Variants in PIK3C3 observed in about 807,000 individuals in gnomAD.
PIK3C3 encodes the protein PI3-kinase type 3.
A neutral mutation model predicts 126.1 loss-of-function variants in PIK3C3; 95 were observed. The ratio of observed to expected loss-of-function variants is 0.75; its 90% CI spans 0.64 to 0.89. The LOEUF (loss-of-function observed/expected upper bound fraction) is 0.89, where lower values mean the gene tolerates loss of function less well. Among genes scored for constraint, PIK3C3 ranks in the 40% least tolerant of loss-of-function variants. The pLI, the probability that PIK3C3 is intolerant of heterozygous loss-of-function variation, is 0.00. For synonymous variants in PIK3C3, 374 were observed against 360.0 expected (o/e 1.04, Z -0.44); for missense variants, 829 against 1,063.2 (o/e 0.78, Z 3.06).
chr18:42,062,437 GA>G (rs2144512916), intron 22 of PIK3C3, among the ~76,000 whole-genome samples: 1 of 150,404 alleles, frequency 6.6e-6, no homozygotes, highest in African/African-American at 2.5e-5. Flanking sequence ...AACATTATGA[GA>G]TTTTTTTTTT....
chr18:42,006,936 T>A (rs1031530908), intron 10 of PIK3C3, among the ~76,000 whole-genome samples: 1 of 146,144 alleles, frequency 6.8e-6, no homozygotes, highest in East Asian at 2.1e-4. Context: ...TGATCTCAGC[T>A]CACTGAAAGC....
At chr18:42,058,681 C>A (rs1598941726) in intron 22 of PIK3C3, among the ~76,000 whole-genome samples, 1 of 152,252 alleles carries the variant, frequency 6.6e-6, no homozygotes, top group African/African-American at 2.4e-5. Context: ...TTTTCTTCAA[C>A]ACCACTAAAT....
rs572415879 is a variant in PIK3C3 at position 42,037,984 on chromosome 18, A to G, written c.1968+164A>G. Among the ~76,000 whole-genome samples, 23 of 152,310 alleles carry G rather than the reference A, an allele frequency of 1.5e-4. No homozygotes were observed. In the East Asian group the frequency reaches 4.4e-3, roughly 29 times the overall value. On this transcript the variant is annotated intron_variant, in intron 17 of 24. Coordinates refer to ENST00000262039, the MANE Select transcript of PIK3C3 (RefSeq NM_002647.4). ...CTTGAAAAAATTTAGTTGCTTTTATATACTTCAGAATGGTTTTTGTGTTGA... is the reference window on the plus strand; with the variant it reads ...CTTGAAAAAATTTAGTTGCTTTTATGTACTTCAGAATGGTTTTTGTGTTGA...
chr18:41,969,905 T>A (rs1329940310), intron 3 of PIK3C3, among the ~76,000 whole-genome samples: 1 of 152,224 alleles, frequency 6.6e-6, no homozygotes, highest in Non-Finnish European at 1.5e-5. Flanking sequence ...TTTGACTATA[T>A]AGTCTACTGT....
chr18:41,983,811 A>G (rs921886915), intron 4 of PIK3C3, among the ~76,000 whole-genome samples: 2 of 152,154 alleles, frequency 1.3e-5, no homozygotes, highest in African/African-American at 2.4e-5. Context: ...TTGTTCTTTC[A>G]TTAAATCTGA....
intron 7 of PIK3C3, among the ~76,000 whole-genome samples, 166 bp from the exon 8 acceptor site, chr18:41,995,724 G>T (rs896178038): frequency 3.3e-5 from 5 of 152,148 alleles, no homozygotes; most frequent in African/African-American, 1.2e-4. Context: ...TCCCAGTCTT[G>T]AGAAGGATAC....
At chr18:41,999,685 A>G (rs1043288826) in intron 9 of PIK3C3, among the ~76,000 whole-genome samples, 11 of 152,208 alleles carry the variant, frequency 7.2e-5, no homozygotes, top group African/African-American at 2.7e-4. Flanking sequence ...ATTAGGAAGT[A>G]TAGCATAGTA....
chr18:42,086,815 A>G lies in PIK3C3; in HGVS notation c.*5678A>G, dbSNP rs1048070667. The G allele has an allele frequency of 3.3e-5, 5 of 152,212 alleles. No homozygotes were observed. Among genetic ancestry groups the G allele is most frequent in the Admixed American group, 2.0e-4 (3 of 15,280 alleles). 9.4% of individuals were successfully genotyped at this position (152,212 alleles called of 1,614,324 possible). A position where few individuals can be genotyped will look rare whatever the true frequency, so the allele number is the denominator to read the frequency against. Reference sequence around the variant, plus strand: ...ATGATCAAGAAATAATCATTAAAAAATAGCCAACCAGCAGCTCATGCTGCT... The same window carrying G: ...ATGATCAAGAAATAATCATTAAAAAGTAGCCAACCAGCAGCTCATGCTGCT... On this transcript the variant is annotated 3_prime_UTR_variant, in exon 25 of 25. Coordinates refer to ENST00000262039, the MANE Select transcript of PIK3C3 (RefSeq NM_002647.4).
Position 42,064,824 on chromosome 18 carries a change from G to A in PIK3C3, c.2517G>A (p.Val839=). 1 of 1,556,094 alleles carries A rather than the reference G, an allele frequency of 6.4e-7. No homozygotes were observed. Among genetic ancestry groups the A allele is most frequent in the South Asian group, 1.1e-5 (1 of 89,432 alleles). The change falls in exon 23 of 25, where the codon GTG becomes GTA. Residue 839 remains valine, a synonymous_variant. Coordinates refer to ENST00000262039, the MANE Select transcript of PIK3C3 (RefSeq NM_002647.4). ...PDIALEPDKT[V]KKVQDKFRLD... is the part of the protein sequence containing the mutation. ...TTGCACTTGAACCAGATAAAACTGT[G>A]AAAAAGGTAATTTTTAAGTAACATA...
At position 42,027,470 on chromosome 18, in the gene PIK3C3, A is replaced by C; in HGVS notation, c.1512A>C (p.Gln504His). The C allele has an allele frequency of 6.2e-7, 1 of 1,607,418 alleles. No individual in the cohort carries two copies. The highest frequency in any genetic ancestry group is 8.5e-7 in the Non-Finnish European group (1 of 1,174,594). The change falls in exon 14 of 25, where the codon CAA becomes CAC. Residue 504 changes from glutamine to histidine, a missense_variant. Physicochemically the swap from Gln to His is conservative, Grantham distance 24 (BLOSUM62 0). Transcript: ENST00000262039. ...YWYVIVECEDQDTQQRDPKTH... is the reference protein window; with the variant it reads ...YWYVIVECEDHDTQQRDPKTH... The stretch of plus-strand genomic sequence containing the variant: ...ATGTGATAGTGGAATGTGAAGATCA[A>C]GATACTCAGCAGAGAGATCCAAAGA...
chr18:41,962,630 C>A lies in PIK3C3; in HGVS notation c.399C>A (p.Tyr133Ter). 2 of 1,608,928 alleles carry A rather than the reference C, an allele frequency of 1.2e-6. No individual in the cohort carries two copies. The highest frequency in any genetic ancestry group is 1.7e-6 in the Non-Finnish European group (2 of 1,177,130). The stretch of plus-strand genomic sequence containing the variant: ...CAACGGTTTCGCTCTTTGGAAAATA[C>A]GGGTAAGCATTCTGTTGGTCTCATC... The part of the protein sequence containing the change: ...GGTTVSLFGK[Y>*]GMFRQGMHDL... Residue 133 changes from tyrosine to a stop codon, truncating the protein, a stop_gained and splice_region_variant, in exon 3 of 25, where the codon TAC becomes TAA. Transcript: ENST00000262039. LOFTEE classifies it high-confidence loss of function.
At chr18:42,057,766 C>T (rs966398907) in intron 21 of PIK3C3, 117 bp from the exon 22 acceptor site, 5 of 884,832 alleles carry the variant, frequency 5.7e-6, no homozygotes, top group Non-Finnish European at 8.7e-6. Flanking sequence ...TAATAGGCTT[C>T]ATCGTGAACT....
intron 24 of PIK3C3, 47 bp from the exon 25 acceptor site, chr18:42,081,076 A>G (rs1986231050): frequency 1.8e-6 from 2 of 1,093,830 alleles, no homozygotes. Flanking sequence ...ATCTTTGTGA[A>G]TAATTAAGTA....
intron 18 of PIK3C3, among the ~76,000 whole-genome samples, chr18:42,040,364 T>C (rs1430308950): frequency 6.6e-6 from 1 of 152,114 alleles, no homozygotes; most frequent in Non-Finnish European, 1.5e-5. Context: ...GTTGTAAATC[T>C]ATAGAAAGAA....
At position 41,970,379 on chromosome 18, in the gene PIK3C3, G is replaced by C. The variant is rs758382094; in HGVS notation, c.454G>C (p.Asp152His). 2 of 1,613,246 alleles carry C rather than the reference G, an allele frequency of 1.2e-6. No homozygotes were observed. Among genetic ancestry groups the C allele is most frequent in the Admixed American group, 1.7e-5 (1 of 59,994 alleles). ...GAAAGTCTGGCCTAATGTAGAAGCAGATGGATCAGAACCCACAAAAACTCC... is the reference window on the plus strand; with the variant it reads ...GAAAGTCTGGCCTAATGTAGAAGCACATGGATCAGAACCCACAAAAACTCC... Reference protein sequence around the residue: ...DLKVWPNVEADGSEPTKTPGR... With the variant: ...DLKVWPNVEAHGSEPTKTPGR... The change falls in exon 4 of 25, where the codon GAT becomes CAT. Residue 152 changes from aspartate to histidine, a missense_variant. Around this residue, in one of 4 missense-constraint regions of PIK3C3, gnomAD observed 313 missense variants for 340.7 expected, o/e 0.92. Coordinates refer to ENST00000262039, the MANE Select transcript of PIK3C3 (RefSeq NM_002647.4).
intron 4 of PIK3C3, among the ~76,000 whole-genome samples, chr18:41,973,479 C>T (rs1182692523): frequency 7.9e-5 from 12 of 151,726 alleles, no homozygotes; most frequent in Admixed American, 6.6e-4. Context: ...ACTAACTTAC[C>T]GGAGAGAGTA....
chr18:42,080,362 G>C (rs1187606761), intron 24 of PIK3C3, among the ~76,000 whole-genome samples: 2 of 152,002 alleles, frequency 1.3e-5, no homozygotes, highest in Non-Finnish European at 2.9e-5. Flanking sequence ...ATGTACACAT[G>C]CATGTGCACA....
At chr18:42,062,187 T>C (rs576668940) in intron 22 of PIK3C3, among the ~76,000 whole-genome samples, 1 of 152,136 alleles carries the variant, frequency 6.6e-6, no homozygotes, top group African/African-American at 2.4e-5. Context: ...TATGTACCTA[T>C]GTAATCAACA....
At chr18:42,039,481 GC>G (rs1369376036) in intron 18 of PIK3C3, among the ~76,000 whole-genome samples, 1 of 152,156 alleles carries the variant, frequency 6.6e-6, no homozygotes, top group African/African-American at 2.4e-5. Context: ...GCTTCTAAGT[GC>G]TTGCATAGTG....
Sources: gnomAD v4.1 joint callset for allele counts (sites outside exome capture counted in the v4.1 genomes callset) on GRCh38, gnomAD v4.1.1 for gene constraint, gnomAD v4.1.1 regional missense constraint, MANE v1.5 for transcripts, NCBI Gene and HGNC (gene_info 2026-07-23, HGNC 2026-07-21) for gene names.